Variants in UCK2 observed in about 807,000 individuals in gnomAD.
UCK2 encodes uridine-cytidine kinase 2.
In UCK2, 6 loss-of-function variants were observed where a neutral mutation model predicts 30.8. The observed-to-expected ratio is 0.19, with a 90% confidence interval of 0.11 to 0.38. The LOEUF (loss-of-function observed/expected upper bound fraction) is 0.38, where lower values mean the gene tolerates loss of function less well. UCK2 is among the 10% of genes least tolerant of loss of function. UCK2 has a pLI of 1.00. For missense variants in UCK2, 210 were observed against 339.8 expected (o/e 0.62, Z 3.00); for synonymous variants, 125 against 133.6 (o/e 0.94, Z 0.45).
rs917892465 is a variant in UCK2, at chr1:165,907,589, G to T, written c.647-95G>T. 31 of 1,499,068 alleles carry T rather than the reference G, an allele frequency of 2.1e-5. No individual in the cohort carries two copies. In the Middle Eastern group the frequency reaches 6.3e-4, roughly 30 times the overall value. 92.9% of individuals were successfully genotyped at this position (1,499,068 alleles called of 1,614,324 possible). A position where few individuals can be genotyped will look rare whatever the true frequency, so the allele number is the denominator to read the frequency against. On this transcript the variant is annotated intron_variant, in intron 6 of 6. Transcript: ENST00000367879. ...CCACTTCCCTGGAAGTCTTTCTACTGTGGTTCCTGCATGCCCTTCCCCCAG... is the reference window on the plus strand; with the variant it reads ...CCACTTCCCTGGAAGTCTTTCTACTTTGGTTCCTGCATGCCCTTCCCCCAG...
At chr1:165,856,996 G>A (rs1294041561) in intron 1 of UCK2, among the ~76,000 whole-genome samples, 1 of 151,504 alleles carries the variant, frequency 6.6e-6, no homozygotes, top group Non-Finnish European at 1.5e-5. Context: ...TCTCTGCAGA[G>A]AGAATGTTTT....
chr1:165,874,012 C>T (rs780658410), intron 1 of UCK2, among the ~76,000 whole-genome samples: 1 of 152,232 alleles, frequency 6.6e-6, no homozygotes, highest in African/African-American at 2.4e-5. Flanking sequence ...GCCATTGTCT[C>T]CCTCTACCTT....
Position 165,841,142 on chromosome 1 carries a change from A to G in UCK2, c.99+13210A>G, listed in dbSNP as rs549676708. ...ATATATATATATATATAAAATGAATATAAAAATCTCCATGATCCTAGCAAA... is the reference window on the plus strand; with the variant it reads ...ATATATATATATATATAAAATGAATGTAAAAATCTCCATGATCCTAGCAAA... On this transcript the variant is annotated intron_variant, in intron 1 of 6. Transcript: ENST00000367879. 1.4e-3 allele frequency among the ~76,000 whole-genome samples: 216 copies of G among 149,320 alleles called. 1 individual carries two copies. The highest frequency in any genetic ancestry group is 3.5e-3 in the Middle Eastern group (1 of 284).
intron 1 of UCK2, among the ~76,000 whole-genome samples, chr1:165,866,942 T>C (rs527408295): frequency 3.9e-4 from 60 of 152,370 alleles, no homozygotes; most frequent in Non-Finnish European, 7.5e-4. Flanking sequence ...AATGCTGTTA[T>C]GAACATGAGT....
At chr1:165,903,389 C>T (rs550706630) in intron 5 of UCK2, 110 bp downstream of exon 5, 100 of 873,882 alleles carry the variant, frequency 1.1e-4, no homozygotes, top group Non-Finnish European at 1.7e-4. Context: ...TCACTCCTCT[C>T]TCTGAGTGAT....
At chr1:165,862,283 A>G (rs957667665) in intron 1 of UCK2, among the ~76,000 whole-genome samples, 3 of 152,106 alleles carry the variant, frequency 2.0e-5, no homozygotes, top group South Asian at 4.1e-4. Flanking sequence ...CTGCATTCTA[A>G]ACAAGTGAAG....
intron 4 of UCK2, among the ~76,000 whole-genome samples, chr1:165,897,694 C>G (rs945648959): frequency 6.6e-6 from 1 of 152,186 alleles, no homozygotes. Flanking sequence ...TCCCATTTAG[C>G]ACCGTAATTG....
Position 165,850,243 on chromosome 1 carries a change from G to C in UCK2, c.99+22311G>C, listed in dbSNP as rs537728550. On this transcript the variant is annotated intron_variant, in intron 1 of 6. Coordinates refer to ENST00000367879, the MANE Select transcript of UCK2 (RefSeq NM_012474.5). Reference sequence around the variant, plus strand: ...CCTCCTGGGTTCAAGCGATTCTCCTGCCTCAGCCTCCCGAGAAGCTGGGAT... The same window carrying C: ...CCTCCTGGGTTCAAGCGATTCTCCTCCCTCAGCCTCCCGAGAAGCTGGGAT... 2.0e-5 allele frequency among the ~76,000 whole-genome samples: 3 copies of C among 151,266 alleles called. No individual in the cohort carries two copies. In the East Asian group the frequency reaches 5.9e-4, roughly 30 times the overall value.
intron 1 of UCK2, among the ~76,000 whole-genome samples, chr1:165,880,284 A>G (rs1655452837): frequency 6.6e-6 from 1 of 152,176 alleles, no homozygotes; most frequent in Admixed American, 6.5e-5. Context: ...TGTAATAAGC[A>G]TATTATCTTT....
chr1:165,830,941 A>G (rs1336702405), intron 1 of UCK2, among the ~76,000 whole-genome samples: 1 of 152,120 alleles, frequency 6.6e-6, no homozygotes, highest in African/African-American at 2.4e-5. Context: ...CAGCTTGGGC[A>G]ACATGGTGAG....
intron 1 of UCK2, among the ~76,000 whole-genome samples, chr1:165,845,560 G>A (rs1654426898): frequency 1.3e-5 from 2 of 152,130 alleles, no homozygotes; most frequent in African/African-American, 4.8e-5. Context: ...TTTTACATCA[G>A]CTAAATATCA....
At chr1:165,901,231 G>C (rs983557340) in intron 4 of UCK2, among the ~76,000 whole-genome samples, 3 of 152,312 alleles carry the variant, frequency 2.0e-5, no homozygotes, top group East Asian at 1.9e-4. Flanking sequence ...ACACATTAGC[G>C]ATCAGCCAAC....
intron 4 of UCK2, among the ~76,000 whole-genome samples, chr1:165,899,985 C>T (rs1445838508): frequency 1.3e-5 from 2 of 152,202 alleles, no homozygotes; most frequent in African/African-American, 2.4e-5. Context: ...GCTTTTCCAG[C>T]GTGGAAGCTG....
chr1:165,895,705 T>C, intron 3 of UCK2: 11 of 956,214 alleles, frequency 1.2e-5, no homozygotes, highest in Non-Finnish European at 1.4e-5. Context: ...TTCTGTCCTT[T>C]CCTCCCTCCT....
Position 165,907,679 on chromosome 1 carries a change from C to G in UCK2, c.647-5C>G. 3 of 1,614,040 alleles carry G rather than the reference C, an allele frequency of 1.9e-6. No homozygotes were observed. The highest frequency in any genetic ancestry group is 2.5e-6 in the Non-Finnish European group (3 of 1,179,930). On this transcript the variant is annotated splice_polypyrimidine_tract_variant and splice_region_variant and intron_variant, in intron 6 of 6. Coordinates refer to ENST00000367879, the MANE Select transcript of UCK2 (RefSeq NM_012474.5). ...CGTAACGCTCTGCTGGTCTCTGCCC[C>G]ACAGTGGCCATCAACCTCATCGTGC...
chr1:165,840,187 G>A (rs1475376747), intron 1 of UCK2, among the ~76,000 whole-genome samples: 1 of 152,244 alleles, frequency 6.6e-6, no homozygotes, highest in Non-Finnish European at 1.5e-5. Flanking sequence ...CCAAAGTGCT[G>A]GGAGTACAGG....
chr1:165,890,333 C>A lies in UCK2; in HGVS notation c.229C>A (p.Leu77Met), dbSNP rs1655734117. 6.2e-7 allele frequency: 1 copy of A among 1,613,864 alleles called. No individual in the cohort carries two copies. Among genetic ancestry groups the A allele is most frequent in the East Asian group, 2.2e-5 (1 of 44,866 alleles). The change falls in exon 2 of 7, where the codon CTG becomes ATG. Residue 77 changes from leucine (L) to methionine (M), a missense_variant. Leu to Met is a conservative substitution (Grantham distance 15, BLOSUM62 2). Transcript: ENST00000367879. ...VLTSEQKAKA[L>M]KGQFNFDHPD... is the part of the protein sequence containing the mutation. ...TACCTCGGAGCAGAAGGCCAAAGCC[C>A]TGAAGGGCCAGTTCAACTTTGACCA...
chr1:165,873,801 C>T lies in UCK2; in HGVS notation c.100-16403C>T, dbSNP rs372777476. 8.7e-4 allele frequency among the ~76,000 whole-genome samples: 132 copies of T among 152,204 alleles called. 3 individuals carry two copies. The South Asian group carries it at 0.027, about 31-fold the overall frequency. On this transcript the variant is annotated intron_variant, in intron 1 of 6. Transcript: ENST00000367879. ...CGTGGGGGGTGGTGCTTCCTTCTTA[C>T]TTCCTATTTCTTTCAAACCATTCTC...
chr1:165,830,686 A>G (rs1363975911), intron 1 of UCK2, among the ~76,000 whole-genome samples: 1 of 152,174 alleles, frequency 6.6e-6, no homozygotes, highest in Non-Finnish European at 1.5e-5. Context: ...CATTTTTGAC[A>G]TACGAATGAT....
Sources: allele counts gnomAD v4.1 joint callset (sites outside exome capture counted in the v4.1 genomes callset), GRCh38; gene constraint gnomAD v4.1.1; transcripts MANE v1.5; gene names NCBI Gene and HGNC (gene_info 2026-07-23, HGNC 2026-07-21).